TMEM165: variants seen among roughly 807,000 people sequenced by gnomAD.
TMEM165 encodes the protein putative divalent cation/proton antiporter TMEM165.
A neutral mutation model predicts 30.0 loss-of-function variants in TMEM165; 19 were observed. The observed-to-expected ratio is 0.63, with a 90% CI of 0.44 to 0.93. TMEM165 has a LOEUF of 0.93. TMEM165 is among the 40% of genes least tolerant of loss of function. The probability of loss-of-function intolerance (pLI) is 0.00; values close to 1 mark genes in which losing one functional copy is unlikely to be tolerated. For missense variants in TMEM165, 340 were observed against 417.0 expected (o/e 0.82, Z 1.61); for synonymous variants, 168 against 162.9 (o/e 1.03, Z -0.24).
chr4:55,400,627 C>T lies in TMEM165; in HGVS notation c.207+4231C>T, dbSNP rs367928737. 9.2e-4 allele frequency among the ~76,000 whole-genome samples: 136 copies of T among 148,402 alleles called. 7 individuals carry two copies. Among genetic ancestry groups the T allele is most frequent in the African/African-American group, 3.3e-3 (126 of 38,724 alleles). On this transcript the variant is annotated intron_variant, in intron 1 of 5. Coordinates refer to ENST00000381334, the MANE Select transcript of TMEM165 (RefSeq NM_018475.5). ...TAATTTTTTGTATTTTTAGTAGAGA[C>T]GAGGTTTTACCGTGTTAGCCAGGAG...
At chr4:55,450,189 AGACT>A in intron 3 of TMEM165, 1 of 1,614,024 alleles carries the variant, frequency 6.2e-7, no homozygotes, top group Non-Finnish European at 8.5e-7. Context: ...TGCTTCCTTG[AGACT>A]GACTGTGTTT....
intron 2 of TMEM165, among the ~76,000 whole-genome samples, chr4:55,412,442 A>G (rs1215295629): frequency 1.4e-5 from 2 of 143,766 alleles, no homozygotes; most frequent in South Asian, 4.7e-4. Context: ...GTGTTTTTAA[A>G]ATCTACCCAG....
At chr4:55,419,490 G>T (rs960757912) in intron 4 of TMEM165, among the ~76,000 whole-genome samples, 5 of 152,088 alleles carry the variant, frequency 3.3e-5, no homozygotes, top group African/African-American at 4.8e-5. Context: ...CTTCACAGTT[G>T]TTCAATGCCA....
At chr4:55,403,499 T>TC (rs893733528) in intron 1 of TMEM165, among the ~76,000 whole-genome samples, 17 of 129,174 alleles carry the variant, frequency 1.3e-4, no homozygotes, top group African/African-American at 5.3e-4. Context: ...TTTCTTTTTC[T>TC]TTTTTTTTTT....
In TMEM165 at chr4:55,420,127, A is replaced by ATG; in HGVS notation, c.792+2143_792+2144insGT. 4.3e-5 allele frequency among the ~76,000 whole-genome samples: 2 copies of ATG among 46,780 alleles called. 1 individual carries two copies. Among genetic ancestry groups the ATG allele is most frequent in the South Asian group, 6.0e-3 (2 of 334 alleles). The allele number at this position is 46,780 out of a possible 152,430, so 30.7% of individuals were successfully genotyped here. A position where few individuals can be genotyped will look rare whatever the true frequency, so the allele number is the denominator to read the frequency against. On this transcript the variant is annotated intron_variant, in intron 4 of 5. Transcript: ENST00000381334. The stretch of plus-strand genomic sequence containing the variant: ...AAAAAATATATATATATATACATAT[A>ATG]TATTTATTTATTTATTTATTTTATT...
intron 1 of TMEM165, chr4:55,403,313 A>T: frequency 7.8e-7 from 1 of 1,285,062 alleles, no homozygotes; most frequent in Non-Finnish European, 1.0e-6. Flanking sequence ...TAGTTTCATC[A>T]TGTATAGATG....
At chr4:55,447,848 T>C (rs1324170478) in intron 3 of TMEM165, among the ~76,000 whole-genome samples, 1 of 152,218 alleles carries the variant, frequency 6.6e-6, no homozygotes. Context: ...GTATATTTAA[T>C]GCCAAACAAA....
At position 55,396,224 on chromosome 4, in the gene TMEM165, C is replaced by T. The variant is rs1187840985; in HGVS notation, c.35C>T (p.Ser12Leu). The T allele has an allele frequency of 2.7e-6, 4 of 1,459,366 alleles. No individual in the cohort carries two copies. In the South Asian group the frequency reaches 4.1e-5, roughly 15 times the overall value. The allele number at this position is 1,459,366 out of a possible 1,614,324, so 90.4% of individuals were successfully genotyped here. A position where few individuals can be genotyped will look rare whatever the true frequency, so the allele number is the denominator to read the frequency against. ...GCGGCTCCAGGGAACGGCCGCGCATCGGCGCCCCGGCTGCTTCTGCTCTTT... is the reference window on the plus strand; with the variant it reads ...GCGGCTCCAGGGAACGGCCGCGCATTGGCGCCCCGGCTGCTTCTGCTCTTT... ...AAAAPGNGRA[S>L]APRLLLLFLV... The change falls in exon 1 of 6, where the codon TCG becomes TTG. Residue 12 changes from serine (S) to leucine (L), a missense_variant. By Grantham distance (145) the Ser-to-Leu change is moderately radical. This residue lies in a region of TMEM165 where 120 missense variants were observed against 109.4 expected (regional missense o/e 1.10). Coordinates refer to ENST00000381334, the MANE Select transcript of TMEM165 (RefSeq NM_018475.5).
chr4:55,427,627 G>GATCCT (rs1259924657), downstream of TMEM165, among the ~76,000 whole-genome samples: 1 of 152,194 alleles, frequency 6.6e-6, no homozygotes, highest in Non-Finnish European at 1.5e-5. Context: ...TTACAGGCGT[G>GATCCT]AGCCACCGCA....
chr4:55,424,627 A>G lies in TMEM165; in HGVS notation c.882A>G (p.Lys294=). Residue 294 remains lysine (K), a synonymous_variant, in exon 5 of 6, where the codon AAA becomes AAG. Transcript: ENST00000381334. ...AVIGGRMIAQ[K]ISVRTVTIIG... Reference sequence around the variant, plus strand: ...TTGGAGGAAGAATGATAGCACAGAAAATCTCTGTCAGAACTGGTAAGTCTT... The same window carrying G: ...TTGGAGGAAGAATGATAGCACAGAAGATCTCTGTCAGAACTGGTAAGTCTT... 1.2e-6 allele frequency: 2 copies of G among 1,609,406 alleles called. No homozygotes were observed. The highest frequency in any genetic ancestry group is 1.7e-6 in the Non-Finnish European group (2 of 1,175,660).
chr4:55,438,243 T>G, intron 3 of TMEM165: 1 of 1,610,480 alleles, frequency 6.2e-7, no homozygotes, highest in Middle Eastern at 1.7e-4. Flanking sequence ...TACATGAAAG[T>G]AAATGAGTTT....
intron 1 of TMEM165, among the ~76,000 whole-genome samples, chr4:55,400,340 TTAA>T (rs1320915670): frequency 1.1e-5 from 1 of 87,886 alleles, no homozygotes; most frequent in Non-Finnish European, 2.1e-5. Flanking sequence ...TAATATAATA[TTAA>T]TTATATTATA....
In TMEM165 at chr4:55,396,263, T is replaced by C. The variant is rs1720718501; in HGVS notation, c.74T>C (p.Leu25Pro). 6.6e-7 allele frequency: 1 copy of C among 1,519,668 alleles called. No individual in the cohort carries two copies. The highest frequency in any genetic ancestry group is 8.8e-7 in the Non-Finnish European group (1 of 1,140,326). The allele number at this position is 1,519,668 out of a possible 1,614,324, so 94.1% of individuals were successfully genotyped here. A position where few individuals can be genotyped will look rare whatever the true frequency, so the allele number is the denominator to read the frequency against. Residue 25 changes from leucine to proline, a missense_variant, in exon 1 of 6, where the codon CTG (leucine) becomes CCG (proline). This residue lies in a region of TMEM165 where 120 missense variants were observed against 109.4 expected (regional missense o/e 1.10). Transcript: ENST00000381334. ...RLLLLFLVPL[L>P]WAPAAVRAGP... ...CTTCTGCTCTTTCTGGTTCCGCTGC[T>C]GTGGGCCCCGGCTGCGGTCCGGGCC...
intron 1 of TMEM165, among the ~76,000 whole-genome samples, chr4:55,408,017 C>G (rs1340227038): frequency 3.9e-5 from 6 of 152,152 alleles, no homozygotes; most frequent in Non-Finnish European, 8.8e-5. Flanking sequence ...AGAGCCTATA[C>G]ACTTAACCAC....
chr4:55,430,812 G>C (rs1438275788), downstream of TMEM165: 1 of 152,086 alleles, frequency 6.6e-6, no homozygotes, highest in Non-Finnish European at 1.5e-5. Context: ...AAATAAACAG[G>C]CTCATTGGTC....
chr4:55,407,944 C>G (rs1198918845), intron 1 of TMEM165, among the ~76,000 whole-genome samples: 2 of 152,062 alleles, frequency 1.3e-5, no homozygotes, highest in Non-Finnish European at 2.9e-5. Flanking sequence ...GGGGGTGTAC[C>G]TATTGGCCCA....
At chr4:55,433,685 C>T (rs912071285) in intron 3 of TMEM165, 1 of 152,072 alleles carries the variant, frequency 6.6e-6, no homozygotes, top group Non-Finnish European at 1.5e-5. Context: ...TCTACTAATC[C>T]TCTTTTGTTC....
intron 3 of TMEM165, chr4:55,438,339 A>T: frequency 6.2e-7 from 1 of 1,614,050 alleles, no homozygotes; most frequent in Non-Finnish European, 8.5e-7. Flanking sequence ...GCTGAACTGA[A>T]GTGAGCTGCT....
intron 4 of TMEM165, among the ~76,000 whole-genome samples, chr4:55,422,656 A>AT (rs562102837): frequency 0.025 from 3,760 of 147,708 alleles, 141 homozygotes; most frequent in African/African-American, 0.082. Context: ...TTATTTATTT[A>AT]TTTTTTTTTT....
Sources: gnomAD v4.1 joint callset for allele counts (sites outside exome capture counted in the v4.1 genomes callset) on GRCh38, gnomAD v4.1.1 for gene constraint, gnomAD v4.1.1 regional missense constraint, MANE v1.5 for transcripts, NCBI Gene and HGNC (gene_info 2026-07-23, HGNC 2026-07-21) for gene names.